Variants in EYA2 observed in about 807,000 individuals in gnomAD.
The protein encoded by EYA2 is protein phosphatase EYA2.
EYA2 carries 31 observed loss-of-function variants against 69.2 expected under a neutral mutation model. The observed-to-expected ratio is 0.45, with a 90% CI of 0.34 to 0.60. EYA2 has a LOEUF of 0.60. Among genes scored for constraint, EYA2 ranks in the 20% least tolerant of loss-of-function variants. The pLI is 0.02. For synonymous variants in EYA2, 257 were observed against 279.4 expected, an observed-to-expected ratio of 0.92 and a Z score of 0.80; for missense variants, 622 against 701.2, an observed-to-expected ratio of 0.89 and a Z score of 1.28.
intron 5 of EYA2, among the ~76,000 whole-genome samples, chr20:47,065,104 T>C (rs964640037): frequency 1.3e-5 from 2 of 152,160 alleles, no homozygotes; most frequent in Non-Finnish European, 1.5e-5. Context: ...TTATTCACTA[T>C]CACCAGAACA....
chr20:47,009,455 C>T (rs1444430193), intron 4 of EYA2, among the ~76,000 whole-genome samples: 1 of 152,054 alleles, frequency 6.6e-6, no homozygotes, highest in African/African-American at 2.4e-5. Context: ...GTATTTTTTT[C>T]TCAATTTATT....
At chr20:46,936,974 C>T (rs866402234) in intron 1 of EYA2, among the ~76,000 whole-genome samples, 3 of 152,292 alleles carry the variant, frequency 2.0e-5, no homozygotes, top group South Asian at 2.1e-4. Context: ...CAGCTCGGGG[C>T]GCAGTCCAAA....
intron 4 of EYA2, among the ~76,000 whole-genome samples, chr20:47,009,405 C>T (rs1416167635): frequency 6.6e-6 from 1 of 152,158 alleles, no homozygotes; most frequent in African/African-American, 2.4e-5. Flanking sequence ...GGAAATAACA[C>T]AATTGAGCAA....
At chr20:47,147,333 G>A (rs955227783) in intron 10 of EYA2, among the ~76,000 whole-genome samples, 4 of 152,138 alleles carry the variant, frequency 2.6e-5, no homozygotes, top group Non-Finnish European at 4.4e-5. Flanking sequence ...TGGGATTACA[G>A]GTGTGAGCCA....
At chr20:47,092,283 C>G (rs1048660838) in intron 8 of EYA2, among the ~76,000 whole-genome samples, 1 of 152,152 alleles carries the variant, frequency 6.6e-6, no homozygotes, top group African/African-American at 2.4e-5. Context: ...TGGTGCAGAG[C>G]AAGTGTTCCC....
At chr20:46,921,721 A>G (rs1985188698) in intron 1 of EYA2, among the ~76,000 whole-genome samples, 1 of 152,198 alleles carries the variant, frequency 6.6e-6, no homozygotes, top group African/African-American at 2.4e-5. Flanking sequence ...AGGCAACTCA[A>G]AGGAAGACAG....
intron 7 of EYA2, among the ~76,000 whole-genome samples, chr20:47,088,489 C>T (rs190516676): frequency 2.2e-4 from 34 of 152,250 alleles, no homozygotes; most frequent in Non-Finnish European, 4.6e-4. Flanking sequence ...CATCCAGTGG[C>T]CCCTCCCTCA....
chr20:47,175,728 G>T (rs1353300286), intron 12 of EYA2, among the ~76,000 whole-genome samples: 1 of 152,180 alleles, frequency 6.6e-6, no homozygotes, highest in Admixed American at 6.5e-5. Flanking sequence ...TGGGCAGCCA[G>T]CTACACAAGA....
intron 1 of EYA2, among the ~76,000 whole-genome samples, chr20:46,948,130 GAAAA>G (rs1177017679): frequency 6.8e-6 from 1 of 148,010 alleles, no homozygotes; most frequent in Non-Finnish European, 1.5e-5. Context: ...AAAAGAAAAA[GAAAA>G]AAGAAAACAA....
At position 47,000,049 on chromosome 20, in the gene EYA2, G is replaced by A. The variant is rs148119042; in HGVS notation, c.110-1379G>A. Among the ~76,000 whole-genome samples, 1,381 of 152,234 alleles carry A rather than the reference G, an allele frequency of 9.1e-3. 18 individuals carry two copies. The highest frequency in any genetic ancestry group is 0.014 in the Non-Finnish European group (926 of 68,004). ...CAGACTCTGGAGCCAGACCACCTGGGTTCAGATCACAGATCCACACCGTAC... is the reference window on the plus strand; with the variant it reads ...CAGACTCTGGAGCCAGACCACCTGGATTCAGATCACAGATCCACACCGTAC... On this transcript the variant is annotated intron_variant, in intron 2 of 15. Transcript: ENST00000327619.
Position 47,009,948 on chromosome 20 carries a change from AT to A in EYA2, c.298+4865del, listed in dbSNP as rs532672805. Reference sequence around the variant, plus strand: ...TTCCACCCAACATTGTGTCTGTAAAATGTATCCCTGTTCATACAAGTAGCTG... The same window carrying A: ...TTCCACCCAACATTGTGTCTGTAAAAGTATCCCTGTTCATACAAGTAGCTG... On this transcript the variant is annotated intron_variant, in intron 4 of 15. Transcript: ENST00000327619. Among the ~76,000 whole-genome samples, 60 of 152,336 alleles carry A rather than the reference AT, an allele frequency of 3.9e-4. 2 individuals are homozygous for A. The South Asian group carries it at 0.011, about 29-fold the overall frequency.
chr20:47,047,576 G>A (rs572341789), intron 5 of EYA2, among the ~76,000 whole-genome samples: 21 of 152,074 alleles, frequency 1.4e-4, no homozygotes, highest in East Asian at 3.9e-4. Context: ...TAGTAGAGAC[G>A]GGGTTTCACC....
At chr20:46,930,630 G>T (rs771253500) in intron 1 of EYA2, among the ~76,000 whole-genome samples, 89 of 152,114 alleles carry the variant, frequency 5.9e-4, no homozygotes, top group Non-Finnish European at 1.0e-3. Context: ...TAGGTTTCTT[G>T]ATCAAACATC....
chr20:47,156,127 C>CACACACACACAT (rs2033938167), intron 10 of EYA2, among the ~76,000 whole-genome samples: 1 of 14,648 alleles, frequency 6.8e-5, no homozygotes, highest in Non-Finnish European at 1.2e-4. Flanking sequence ...CACACACACA[C>CACACACACACAT]ATATATATAT....
At position 47,020,594 on chromosome 20, in the gene EYA2, A is replaced by G. The variant is rs111891228; in HGVS notation, c.415+4297A>G. Reference sequence around the variant, plus strand: ...AGAAATAACCACAAAGATTAAAAAGAGGGGGAAAAAAATCTCCAGAGTGTG... The same window carrying G: ...AGAAATAACCACAAAGATTAAAAAGGGGGGGAAAAAAATCTCCAGAGTGTG... On this transcript the variant is annotated intron_variant, in intron 5 of 15. Transcript: ENST00000327619. Among the ~76,000 whole-genome samples the G allele has an allele frequency of 1.6e-4, 24 of 152,138 alleles. 1 individual carries two copies. The highest frequency in any genetic ancestry group is 2.2e-4 in the Non-Finnish European group (15 of 67,994).
chr20:47,090,535 C>T (rs572357676), intron 8 of EYA2, among the ~76,000 whole-genome samples: 11 of 151,952 alleles, frequency 7.2e-5, no homozygotes, highest in South Asian at 4.2e-4. Flanking sequence ...CCGCCATGCC[C>T]GGACTTTTTT....
At chr20:47,072,387 TA>T in intron 6 of EYA2, 135 bp downstream of exon 6, 1 of 810,682 alleles carries the variant, frequency 1.2e-6, no homozygotes, top group South Asian at 1.6e-5. Flanking sequence ...GTTTGGAGAC[TA>T]CAGGGGCTAG....
intron 4 of EYA2, among the ~76,000 whole-genome samples, chr20:47,005,336 G>A: frequency 6.6e-6 from 1 of 152,214 alleles, no homozygotes; most frequent in East Asian, 1.9e-4. Flanking sequence ...TGAATGATTT[G>A]CATACCGAGA....
rs1304461721 is a variant in EYA2 at position 47,001,444 on chromosome 20, C to T, written c.126C>T (p.Ala42=). Residue 42 remains alanine (A), a synonymous_variant, in exon 3 of 16, where the codon GCC becomes GCT. Transcript: ENST00000327619. ...LSDRQGITKS[A]PLRVSQLFSR... is the part of the protein sequence containing the mutation. ...CTCCTGCAGGCATCACCAAATCGGC[C>T]CCCCTGAGAGTGTCCCAGCTCTTCT... The T allele has an allele frequency of 1.2e-6, 2 of 1,614,058 alleles. No homozygotes were observed. Among genetic ancestry groups the T allele is most frequent in the Non-Finnish European group, 1.7e-6 (2 of 1,180,036 alleles).
Sources: allele counts gnomAD v4.1 joint callset (sites outside exome capture counted in the v4.1 genomes callset), GRCh38; gene constraint gnomAD v4.1.1; transcripts MANE v1.5; gene names NCBI Gene and HGNC (gene_info 2026-07-23, HGNC 2026-07-21).